Variants in KCNJ13 observed in about 807,000 individuals in gnomAD.
The protein encoded by KCNJ13 is inward rectifier potassium channel 13.
A neutral mutation model predicts 24.6 loss-of-function variants in KCNJ13; 9 were observed. The ratio of observed to expected loss-of-function variants is 0.37; its 90% confidence interval spans 0.22 to 0.64. The LOEUF (loss-of-function observed/expected upper bound fraction) is 0.64, where lower values mean the gene tolerates loss of function less well. KCNJ13 is among the 30% of genes least tolerant of loss of function. The probability of loss-of-function intolerance (pLI) is 0.64; values close to 1 mark genes in which losing one functional copy is unlikely to be tolerated. For synonymous variants in KCNJ13, 148 were observed against 154.7 expected, an observed-to-expected ratio of 0.96 and a Z score of 0.32; for missense variants, 337 against 443.8, an observed-to-expected ratio of 0.76 and a Z score of 2.16.
intron 2 of KCNJ13, among the ~76,000 whole-genome samples, chr2:232,769,070 C>T (rs1213125709): frequency 6.6e-6 from 1 of 152,066 alleles, no homozygotes; most frequent in African/African-American, 2.4e-5. Context: ...AAAACTTCAT[C>T]CTCTAGTTTC....
Position 232,771,196 on chromosome 2 carries a change from A to T in KCNJ13, c.167T>A (p.Met56Lys). ...GILMDMRWRW[M>K]MLVFSASFVV... Reference sequence around the variant, plus strand: ...AAAAGAAGCAGAAAAGACCAACATCATCCAACGCCAGCGCATGTCCATTAG... The same window carrying T: ...AAAAGAAGCAGAAAAGACCAACATCTTCCAACGCCAGCGCATGTCCATTAG... Residue 56 changes from methionine to lysine, a missense_variant, in exon 2 of 3, where the codon ATG (methionine) becomes AAG (lysine). Met to Lys is a moderately conservative substitution (Grantham distance 95, BLOSUM62 -1). Around this residue, in one of 3 missense-constraint regions of KCNJ13, gnomAD observed 101 missense variants for 139.2 expected, o/e 0.73. Transcript: ENST00000233826. 1 of 1,613,434 alleles carries T rather than the reference A, an allele frequency of 6.2e-7. No individual in the cohort carries two copies. The highest frequency in any genetic ancestry group is 8.5e-7 in the Non-Finnish European group (1 of 1,179,422).
chr2:232,770,815 A>T lies in KCNJ13; in HGVS notation c.460+88T>A, dbSNP rs138305098. Reference sequence around the variant, plus strand: ...AAATTATTCTGTAACAGCATTACTTATAACTGACTATACCCTTTCCAAACA... The same window carrying T: ...AAATTATTCTGTAACAGCATTACTTTTAACTGACTATACCCTTTCCAAACA... On this transcript the variant is annotated intron_variant, in intron 2 of 2. Coordinates refer to ENST00000233826, the MANE Select transcript of KCNJ13 (RefSeq NM_002242.4). The T allele has an allele frequency of 6.9e-6, 6 of 866,602 alleles. No homozygotes were observed. The African/African-American group carries it at 1.0e-4, about 15-fold the overall frequency. The allele number at this position is 866,602 out of a possible 1,614,324, so 53.7% of individuals were successfully genotyped here.
chr2:232,773,306 G>C (rs897363346), intron 1 of KCNJ13, among the ~76,000 whole-genome samples: 2 of 152,068 alleles, frequency 1.3e-5, no homozygotes, highest in African/African-American at 4.8e-5. Context: ...CTTTCATACT[G>C]TATTATCTCT....
rs1242697632 is a variant in KCNJ13, at chr2:232,765,929, C to T, written c.*2262G>A. 1 of 470,984 alleles carries T rather than the reference C, an allele frequency of 2.1e-6. No homozygotes were observed. The highest frequency in any genetic ancestry group is 2.3e-5 in the Admixed American group (1 of 42,594). The allele number at this position is 470,984 out of a possible 1,614,324, so 29.2% of individuals were successfully genotyped here. A position where few individuals can be genotyped will look rare whatever the true frequency, so the allele number is the denominator to read the frequency against. ...CGTTTAAAGTTAGTTCCGAAGTAGT[C>T]TTCCTGATCATGTGTGCAAGACTTC... On this transcript the variant is annotated 3_prime_UTR_variant, in exon 3 of 3. Transcript: ENST00000233826.
Position 232,768,803 on chromosome 2 carries a change from C to T in KCNJ13, c.471G>A (p.Val157=). The change falls in exon 3 of 3, where the codon GTG becomes GTA. Residue 157 remains valine, a synonymous_variant. Coordinates refer to ENST00000233826, the MANE Select transcript of KCNJ13 (RefSeq NM_002242.4). ...GATTTTTTGGCCGGGCAATCTTCGCCACAAAAGCACCTAAATAAGAAATTA... is the reference window on the plus strand; with the variant it reads ...GATTTTTTGGCCGGGCAATCTTCGCTACAAAAGCACCTAAATAAGAAATTA... ...MLEAFITGAF[V]AKIARPKNRA... 1 of 1,604,340 alleles carries T rather than the reference C, an allele frequency of 6.2e-7. No individual in the cohort carries two copies. The highest frequency in any genetic ancestry group is 1.3e-5 in the African/African-American group (1 of 74,708).
At position 232,768,749 on chromosome 2, in the gene KCNJ13, T is replaced by C. The variant is rs754251177; in HGVS notation, c.525A>G (p.Thr175=). 2.4e-5 allele frequency: 38 copies of C among 1,601,520 alleles called. No individual in the cohort carries two copies. Among genetic ancestry groups the C allele is most frequent in the Non-Finnish European group, 2.9e-5 (34 of 1,170,362 alleles). The part of the protein sequence containing the change: ...NRAFSIRFTD[T]AVVAHMDGKP... ...TGCCATCCATGTGAGCTACTACTGC[T>C]GTGTCAGTAAAGCGAATTGAAAAAG... Residue 175 remains threonine (T), a synonymous_variant, in exon 3 of 3, where the codon ACA becomes ACG. Transcript: ENST00000233826.
At chr2:232,774,373 A>G (rs1699421558) in intron 1 of KCNJ13, among the ~76,000 whole-genome samples, 2 of 152,174 alleles carry the variant, frequency 1.3e-5, no homozygotes, top group Admixed American at 1.3e-4. Flanking sequence ...TTCAGTTAGG[A>G]AAGACTTCTT....
intron 1 of KCNJ13, among the ~76,000 whole-genome samples, chr2:232,773,941 T>G (rs560916663): frequency 6.8e-5 from 10 of 147,326 alleles, no homozygotes; most frequent in African/African-American, 2.5e-4. Context: ...AAAGGTGTCT[T>G]AAGTTTCACA....
Position 232,768,480 on chromosome 2 carries a change from A to T in KCNJ13, c.794T>A (p.Phe265Tyr). The T allele has an allele frequency of 1.2e-6, 2 of 1,614,206 alleles. No homozygotes were observed. The highest frequency in any genetic ancestry group is 3.3e-4 in the Middle Eastern group (2 of 6,062). ...TLLQHENPSH[F>Y]ELVVFLSAMQ... ...TGCTGAAAGGAATACAACTAATTCA[A>T]AGTGAGAAGGATTTTCATGCTGGAG... is the stretch of plus-strand genomic sequence containing the variant. Residue 265 changes from phenylalanine (F) to tyrosine (Y), a missense_variant, in exon 3 of 3, where the codon TTT becomes TAT. Coordinates refer to ENST00000233826, the MANE Select transcript of KCNJ13 (RefSeq NM_002242.4).
At chr2:232,774,645 C>G (rs1032269456) in intron 1 of KCNJ13, among the ~76,000 whole-genome samples, 1 of 152,100 alleles carries the variant, frequency 6.6e-6, no homozygotes, top group Non-Finnish European at 1.5e-5. Flanking sequence ...GGTGGGTGAA[C>G]AACTTTGTCA....
chr2:232,769,346 C>T (rs899202004), intron 2 of KCNJ13, among the ~76,000 whole-genome samples: 1 of 151,950 alleles, frequency 6.6e-6, no homozygotes, highest in Non-Finnish European at 1.5e-5. Flanking sequence ...GCCTGGCCAA[C>T]ATCATGAAAC....
At chr2:232,774,035 A>G (rs952896857) in intron 1 of KCNJ13, among the ~76,000 whole-genome samples, 1 of 151,810 alleles carries the variant, frequency 6.6e-6, no homozygotes, top group Non-Finnish European at 1.5e-5. Flanking sequence ...TAACACTAGC[A>G]CTTTGGGACG....
At chr2:232,776,348 C>T in intron 1 of KCNJ13, 97 bp downstream of exon 1, 1 of 828,102 alleles carries the variant, frequency 1.2e-6, no homozygotes, top group Non-Finnish European at 2.0e-6. Flanking sequence ...TTTTAAAAAT[C>T]TGTTGGAAGT....
Position 232,771,123 on chromosome 2 carries a change from C to T in KCNJ13, c.240G>A (p.Glu80=), listed in dbSNP as rs1223913730. The change falls in exon 2 of 3, where the codon GAG becomes GAA. Residue 80 remains glutamate, a synonymous_variant. Coordinates refer to ENST00000233826, the MANE Select transcript of KCNJ13 (RefSeq NM_002242.4). ...GATCTAGTTCCAGATCACCATTCAT[C>T]TCAGCCAGAACATACCAGAGCACTG... The part of the protein sequence containing the change: ...VFAVLWYVLA[E]MNGDLELDHD... The T allele has an allele frequency of 2.5e-6, 4 of 1,614,116 alleles. No individual in the cohort carries two copies. The highest frequency in any genetic ancestry group is 2.5e-6 in the Non-Finnish European group (3 of 1,180,020).
chr2:232,772,908 T>G (rs1276749063), intron 1 of KCNJ13, among the ~76,000 whole-genome samples: 1 of 152,188 alleles, frequency 6.6e-6, no homozygotes, highest in Non-Finnish European at 1.5e-5. Context: ...ACTGCCTTTC[T>G]GTGTTGTTGG....
Position 232,768,290 on chromosome 2 carries a change from A to C in KCNJ13, c.984T>G (p.Pro328=). 6.2e-7 allele frequency: 1 copy of C among 1,614,158 alleles called. No homozygotes were observed. Among genetic ancestry groups the C allele is most frequent in the African/African-American group, 1.3e-5 (1 of 75,052 alleles). ...FDKTVPEFPT[P]LVSKSPNRTD... is the part of the protein sequence containing the mutation. Reference sequence around the variant, plus strand: ...TCCTGTTTGGGCTTTTAGAAACCAGAGGAGTTGGAAATTCAGGGACAGTCT... The same window carrying C: ...TCCTGTTTGGGCTTTTAGAAACCAGCGGAGTTGGAAATTCAGGGACAGTCT... The change falls in exon 3 of 3, where the codon CCT becomes CCG. Residue 328 remains proline (P), a synonymous_variant. Coordinates refer to ENST00000233826, the MANE Select transcript of KCNJ13 (RefSeq NM_002242.4).
intron 2 of KCNJ13, among the ~76,000 whole-genome samples, chr2:232,769,297 G>A (rs563437292): frequency 8.5e-5 from 13 of 152,116 alleles, no homozygotes; most frequent in South Asian, 2.1e-4. Context: ...TTGGGAGCCC[G>A]AGGCGGGCGG....
In KCNJ13 at chr2:232,776,479, T is replaced by C; in HGVS notation, c.-51A>G. The stretch of plus-strand genomic sequence containing the variant: ...TGCTGGGTCAGCCTTTATGCCAAGG[T>C]AGGTCTTAAGGAAATTTACAGAGTC... On this transcript the variant is annotated 5_prime_UTR_variant, in exon 1 of 3. Transcript: ENST00000233826. The C allele has an allele frequency of 6.4e-7, 1 of 1,559,932 alleles. No homozygotes were observed. The highest frequency in any genetic ancestry group is 8.8e-7 in the Non-Finnish European group (1 of 1,134,914).
chr2:232,766,010 G>A lies in KCNJ13; in HGVS notation c.*2181C>T. The stretch of plus-strand genomic sequence containing the variant: ...TGAGCTGCACATCCAGAAAGGCAGA[G>A]CAGCCATTCCTCCCTCCCAGTAATT... On this transcript the variant is annotated 3_prime_UTR_variant, in exon 3 of 3. Coordinates refer to ENST00000233826, the MANE Select transcript of KCNJ13 (RefSeq NM_002242.4). The A allele has an allele frequency of 2.1e-6, 1 of 471,024 alleles. No homozygotes were observed. Among genetic ancestry groups the A allele is most frequent in the Non-Finnish European group, 4.4e-6 (1 of 226,976 alleles). The allele number at this position is 471,024 out of a possible 1,614,324, so 29.2% of individuals were successfully genotyped here. A position where few individuals can be genotyped will look rare whatever the true frequency, so the allele number is the denominator to read the frequency against.
Sources: gnomAD v4.1 joint callset for allele counts (sites outside exome capture counted in the v4.1 genomes callset) on GRCh38, gnomAD v4.1.1 for gene constraint, gnomAD v4.1.1 regional missense constraint, MANE v1.5 for transcripts, NCBI Gene and HGNC (gene_info 2026-07-23, HGNC 2026-07-21) for gene names.